The following KCTD8 variants were observed in gnomAD, a reference collection of about 807,000 sequenced individuals.
KCTD8 encodes BTB/POZ domain-containing protein KCTD8.
A neutral mutation model predicts 31.5 loss-of-function variants in KCTD8; 27 were observed. The observed-to-expected ratio is 0.86, with a 90% CI of 0.63 to 1.18. The LOEUF (loss-of-function observed/expected upper bound fraction) is 1.18. Ranked by LOEUF, KCTD8 falls within the 50% of genes most tolerant of loss-of-function variation. KCTD8 has a pLI of 0.00. For synonymous variants in KCTD8, 290 were observed against 280.0 expected (o/e 1.04, Z -0.36); for missense variants, 658 against 647.7 (o/e 1.02, Z -0.17).
intron 1 of KCTD8, among the ~76,000 whole-genome samples, chr4:44,285,021 G>A (rs1717023972): frequency 6.6e-6 from 1 of 152,180 alleles, no homozygotes; most frequent in Non-Finnish European, 1.5e-5. Flanking sequence ...TACACTGTTG[G>A]TGGGAGTGTA....
intron 1 of KCTD8, among the ~76,000 whole-genome samples, chr4:44,270,734 T>C (rs1270101369): frequency 1.3e-5 from 2 of 152,122 alleles, no homozygotes; most frequent in African/African-American, 2.4e-5. Flanking sequence ...CTATCCCCAA[T>C]AACTTTACTT....
At chr4:44,388,341 A>T (rs1051682655) in intron 1 of KCTD8, among the ~76,000 whole-genome samples, 1 of 151,908 alleles carries the variant, frequency 6.6e-6, no homozygotes, top group African/African-American at 2.4e-5. Flanking sequence ...TGTCCCAGCA[A>T]TCCCATTACT....
chr4:44,426,628 A>T (rs1157701350), intron 1 of KCTD8, among the ~76,000 whole-genome samples: 1 of 151,760 alleles, frequency 6.6e-6, no homozygotes, highest in Non-Finnish European at 1.5e-5. Flanking sequence ...TTTCTGGAAA[A>T]ATATAAAAAT....
chr4:44,181,436 C>T (rs773744152), intron 1 of KCTD8, among the ~76,000 whole-genome samples: 3 of 152,138 alleles, frequency 2.0e-5, no homozygotes, highest in Admixed American at 6.5e-5. Flanking sequence ...TTGGTGGAGA[C>T]GGGGTTTCGC....
intron 1 of KCTD8, among the ~76,000 whole-genome samples, chr4:44,375,068 T>C (rs1358095822): frequency 1.3e-5 from 2 of 152,188 alleles, no homozygotes. Context: ...ATGACATTCA[T>C]TCACCTGAAT....
At chr4:44,185,188 T>C (rs1006552826) in intron 1 of KCTD8, among the ~76,000 whole-genome samples, 2 of 152,222 alleles carry the variant, frequency 1.3e-5, no homozygotes, top group East Asian at 3.8e-4. Context: ...ACATTCACCT[T>C]TGGCTATCCA....
intron 1 of KCTD8, among the ~76,000 whole-genome samples, chr4:44,445,051 A>G (rs1346074688): frequency 6.6e-6 from 1 of 152,216 alleles, no homozygotes; most frequent in African/African-American, 2.4e-5. Flanking sequence ...TGCTCTTATG[A>G]GTAACACCGA....
intron 1 of KCTD8, among the ~76,000 whole-genome samples, chr4:44,192,133 C>T (rs1713782125): frequency 6.6e-6 from 1 of 152,132 alleles, no homozygotes; most frequent in South Asian, 2.1e-4. Context: ...GGGGCGGGTT[C>T]CCCCGATAAA....
At chr4:44,192,327 G>T (rs1393945300) in intron 1 of KCTD8, among the ~76,000 whole-genome samples, 6 of 152,080 alleles carry the variant, frequency 3.9e-5, no homozygotes, top group South Asian at 4.2e-4. Flanking sequence ...TACTAACAGG[G>T]TCATGTGCCC....
At chr4:44,187,958 A>AAC (rs143071896) in intron 1 of KCTD8, among the ~76,000 whole-genome samples, 9,113 of 144,544 alleles carry the variant, frequency 0.063, 316 homozygotes, top group Middle Eastern at 0.08. Context: ...GGAAGAGGTA[A>AAC]ACACACACAC....
chr4:44,349,811 T>C (rs914979293), intron 1 of KCTD8, among the ~76,000 whole-genome samples: 1 of 152,130 alleles, frequency 6.6e-6, no homozygotes, highest in Admixed American at 6.5e-5. Context: ...AATATTATTG[T>C]TTTATTAAAT....
intron 1 of KCTD8, among the ~76,000 whole-genome samples, chr4:44,344,597 G>T (rs959309438): frequency 2.0e-5 from 3 of 152,116 alleles, no homozygotes; most frequent in Non-Finnish European, 4.4e-5. Context: ...AGACATCTTT[G>T]CACATTAAGC....
In KCTD8 at chr4:44,333,244, G is replaced by A. The variant is rs114999668; in HGVS notation, c.961+114319C>T. On this transcript the variant is annotated intron_variant, in intron 1 of 1. Transcript: ENST00000360029. ...ATGAAGACAGACAATCCAATACAGGGACCAGGAAAGATGTCAGCCTATAAT... is the reference window on the plus strand; with the variant it reads ...ATGAAGACAGACAATCCAATACAGGAACCAGGAAAGATGTCAGCCTATAAT... 5.6e-3 allele frequency among the ~76,000 whole-genome samples: 848 copies of A among 152,102 alleles called. 11 individuals are homozygous for A. The highest frequency in any genetic ancestry group is 0.02 in the African/African-American group (815 of 41,498).
chr4:44,280,737 G>T (rs1434260995), intron 1 of KCTD8, among the ~76,000 whole-genome samples: 1 of 151,942 alleles, frequency 6.6e-6, no homozygotes, highest in Admixed American at 6.6e-5. Flanking sequence ...TTTTCATTAT[G>T]ATCCTATAGC....
At chr4:44,252,019 C>G (rs917899701) in intron 1 of KCTD8, among the ~76,000 whole-genome samples, 5 of 151,844 alleles carry the variant, frequency 3.3e-5, no homozygotes, top group African/African-American at 1.2e-4. Flanking sequence ...CCCTCACTCA[C>G]CCTTTCCTCC....
chr4:44,414,675 A>T (rs1721032638), intron 1 of KCTD8, among the ~76,000 whole-genome samples: 1 of 152,180 alleles, frequency 6.6e-6, no homozygotes, highest in Non-Finnish European at 1.5e-5. Flanking sequence ...TTGCATAGAT[A>T]TACAAGAAAT....
chr4:44,362,663 A>T (rs1719528897), intron 1 of KCTD8, among the ~76,000 whole-genome samples: 1 of 152,090 alleles, frequency 6.6e-6, no homozygotes. Flanking sequence ...AATGGAAAAT[A>T]AATATTTCAA....
In KCTD8 at chr4:44,341,036, C is replaced by T. The variant is rs144659658; in HGVS notation, c.961+106527G>A. On this transcript the variant is annotated intron_variant, in intron 1 of 1. Transcript: ENST00000360029. ...AAGATGAACTTATGTACAGCCATAC[C>T]TTGGAGATATTGTGGGTTTGGTTTG... Among the ~76,000 whole-genome samples the T allele has an allele frequency of 5.4e-3, 817 of 152,076 alleles. 12 individuals carry two copies. Among genetic ancestry groups the T allele is most frequent in the African/African-American group, 0.018 (760 of 41,494 alleles).
intron 1 of KCTD8, among the ~76,000 whole-genome samples, chr4:44,246,433 G>C (rs1393418513): frequency 6.6e-6 from 1 of 151,846 alleles, no homozygotes; most frequent in African/African-American, 2.4e-5. Flanking sequence ...TCTCTTCAAG[G>C]AATATGCTCC....
Sources: allele counts gnomAD v4.1 joint callset (sites outside exome capture counted in the v4.1 genomes callset), GRCh38; gene constraint gnomAD v4.1.1; transcripts MANE v1.5; gene names NCBI Gene and HGNC (gene_info 2026-07-23, HGNC 2026-07-21).